Variants in FRMD4B observed in about 807,000 individuals in gnomAD.
FRMD4B encodes the protein FERM domain containing 4B.
A neutral mutation model predicts 141.5 loss-of-function variants in FRMD4B; 74 were observed. That is an observed-to-expected ratio of 0.52 (90% CI 0.43 to 0.63). FRMD4B has a LOEUF of 0.63. Ranked by LOEUF, FRMD4B falls within the 30% of genes least tolerant of loss-of-function variation. The pLI is 0.00. For missense variants in FRMD4B, 1,366 were observed against 1,253.4 expected, an observed-to-expected ratio of 1.09 and a Z score of -1.36; for synonymous variants, 506 against 467.9, an observed-to-expected ratio of 1.08 and a Z score of -1.05.
chr3:69,307,095 C>G (rs1701420591), intron 3 of FRMD4B, among the ~76,000 whole-genome samples: 1 of 152,074 alleles, frequency 6.6e-6, no homozygotes, highest in South Asian at 2.1e-4. Flanking sequence ...CCAGGAGACA[C>G]CTCCCCAAAC....
chr3:69,363,129 C>T (rs528352871), intron 1 of FRMD4B, among the ~76,000 whole-genome samples: 69 of 152,016 alleles, frequency 4.5e-4, no homozygotes, highest in African/African-American at 1.6e-3. Flanking sequence ...CAGGCTTCTT[C>T]TATTTTTCCA....
chr3:69,356,042 A>AT (rs1703310262), intron 1 of FRMD4B, among the ~76,000 whole-genome samples: 1 of 151,264 alleles, frequency 6.6e-6, no homozygotes, highest in South Asian at 2.1e-4. Context: ...AAAGAAAAAA[A>AT]ATTAGGAAAC....
At chr3:69,517,566 T>C (rs1202081485) in intron 1 of FRMD4B, among the ~76,000 whole-genome samples, 1 of 152,194 alleles carries the variant, frequency 6.6e-6, no homozygotes, top group Non-Finnish European at 1.5e-5. Flanking sequence ...GCTTCATGTG[T>C]AAGCAGTCCA....
Position 69,176,606 on chromosome 3 carries a change from G to A in FRMD4B, c.2902C>T (p.Leu968=). 3 of 1,604,872 alleles carry A rather than the reference G, an allele frequency of 1.9e-6. No homozygotes were observed. The highest frequency in any genetic ancestry group is 2.6e-6 in the Non-Finnish European group (3 of 1,171,578). ...TGTGCTGGAGTCTCGTAATCCGACA[G>A]CCCTATGGTTAACTGGGTCCTCCAG... ...GNWRTQLTIG[L]SDYETPAHSS... The change falls in exon 22 of 23, where the codon CTG becomes TTG. Residue 968 remains leucine, a synonymous_variant. Transcript: ENST00000398540.
intron 1 of FRMD4B, among the ~76,000 whole-genome samples, chr3:69,506,512 T>C (rs1311101236): frequency 6.6e-6 from 1 of 151,756 alleles, no homozygotes; most frequent in African/African-American, 2.4e-5. Flanking sequence ...TCAGAGTAAA[T>C]AAAGGTAACT....
intron 2 of FRMD4B, among the ~76,000 whole-genome samples, chr3:69,431,914 G>T (rs1221631727): frequency 6.6e-6 from 1 of 152,120 alleles, no homozygotes; most frequent in African/African-American, 2.4e-5. Context: ...AACCGTTTTT[G>T]CCTGTCAGAT....
At chr3:69,465,269 G>A (rs1347960430) in intron 1 of FRMD4B, among the ~76,000 whole-genome samples, 14 of 150,162 alleles carry the variant, frequency 9.3e-5, no homozygotes, top group African/African-American at 2.7e-4. Flanking sequence ...GCAGTGAGCC[G>A]AGATTGCACC....
At chr3:69,393,643 A>C (rs1704426602) in intron 2 of FRMD4B, among the ~76,000 whole-genome samples, 2 of 152,198 alleles carry the variant, frequency 1.3e-5, no homozygotes, top group Non-Finnish European at 2.9e-5. Context: ...AATAGTTAAA[A>C]ATTGGTCTAT....
Position 69,217,468 on chromosome 3 carries a change from A to G in FRMD4B, c.789+854T>C, listed in dbSNP as rs1389123212. 2.0e-5 allele frequency among the ~76,000 whole-genome samples: 3 copies of G among 152,220 alleles called. No homozygotes were observed. The East Asian group carries it at 5.8e-4, about 29-fold the overall frequency. On this transcript the variant is annotated intron_variant, in intron 10 of 22. Coordinates refer to ENST00000398540, the MANE Select transcript of FRMD4B (RefSeq NM_015123.3). ...AAACCCCATCTCCACTAAAAATACA[A>G]AAAATGAGCCAGCTGTGGTGGTGCA...
intron 2 of FRMD4B, among the ~76,000 whole-genome samples, chr3:69,420,659 G>A (rs890935613): frequency 2.6e-5 from 4 of 152,264 alleles, no homozygotes; most frequent in African/African-American, 9.6e-5. Flanking sequence ...GCACCTGAAC[G>A]GGACATGAGA....
At chr3:69,496,124 A>G (rs376267214) in intron 1 of FRMD4B, among the ~76,000 whole-genome samples, 8 of 152,240 alleles carry the variant, frequency 5.3e-5, no homozygotes, top group African/African-American at 1.7e-4. Flanking sequence ...ATTTGTAATG[A>G]AGACAAATTA....
intron 11 of FRMD4B, among the ~76,000 whole-genome samples, chr3:69,199,529 A>C (rs1353245881): frequency 6.6e-6 from 1 of 152,362 alleles, no homozygotes; most frequent in South Asian, 2.1e-4. Flanking sequence ...ACCCCCATGC[A>C]GGGGTGATTC....
intron 1 of FRMD4B, among the ~76,000 whole-genome samples, chr3:69,358,675 G>A (rs1403273578): frequency 6.6e-6 from 1 of 152,182 alleles, no homozygotes; most frequent in African/African-American, 2.4e-5. Flanking sequence ...GGTTGAGGCT[G>A]CAGTGAGCCA....
At chr3:69,529,317 C>T (rs1053633045) in intron 1 of FRMD4B, among the ~76,000 whole-genome samples, 1 of 152,170 alleles carries the variant, frequency 6.6e-6, no homozygotes, top group Non-Finnish European at 1.5e-5. Flanking sequence ...TAAAAACAGT[C>T]TAGGGAATAA....
At chr3:69,507,512 A>C (rs546015072) in intron 1 of FRMD4B, among the ~76,000 whole-genome samples, 1 of 152,262 alleles carries the variant, frequency 6.6e-6, no homozygotes, top group East Asian at 1.9e-4. Context: ...TCACTTTTTT[A>C]ATACCTACAT....
chr3:69,333,268 T>G (rs965912612), intron 1 of FRMD4B, among the ~76,000 whole-genome samples: 1 of 152,198 alleles, frequency 6.6e-6, no homozygotes, highest in African/African-American at 2.4e-5. Context: ...TTGTGAACTA[T>G]TCCAACTACT....
chr3:69,252,394 G>A (rs556008130), intron 5 of FRMD4B, among the ~76,000 whole-genome samples: 7 of 152,264 alleles, frequency 4.6e-5, no homozygotes, highest in Admixed American at 6.5e-5. Flanking sequence ...GGAGGGTGAC[G>A]GTGCGGTGAA....
intron 22 of FRMD4B, among the ~76,000 whole-genome samples, chr3:69,175,041 A>T (rs947659000): frequency 8.5e-5 from 13 of 152,186 alleles, no homozygotes; most frequent in African/African-American, 3.1e-4. Context: ...TAATATTTGA[A>T]GCCAAGAAAA....
At chr3:69,255,680 A>G (rs1448983352) in intron 5 of FRMD4B, among the ~76,000 whole-genome samples, 1 of 152,060 alleles carries the variant, frequency 6.6e-6, no homozygotes. Flanking sequence ...TTCTTTCCCT[A>G]TGGCTCTAGT....
Sources: allele counts gnomAD v4.1 joint callset (sites outside exome capture counted in the v4.1 genomes callset), GRCh38; gene constraint gnomAD v4.1.1; transcripts MANE v1.5; gene names NCBI Gene and HGNC (gene_info 2026-07-23, HGNC 2026-07-21).